Variants in FKBP9 observed in about 807,000 individuals in gnomAD.
FKBP9 encodes FKBP prolyl isomerase 9, also known as peptidyl-prolyl cis-trans isomerase FKBP9.
FKBP9 carries 27 observed loss-of-function variants against 55.6 expected under a neutral mutation model. That is an observed-to-expected ratio of 0.49 (90% CI 0.36 to 0.67). FKBP9 has a LOEUF of 0.67. Among genes scored for constraint, FKBP9 ranks in the 30% least tolerant of loss-of-function variants. The pLI, the probability that FKBP9 is intolerant of heterozygous loss-of-function variation, is 0.00. For missense variants in FKBP9, 539 were observed against 742.8 expected (o/e 0.73, Z 3.19); for synonymous variants, 267 against 296.5 (o/e 0.90, Z 1.02).
At position 32,977,870 on chromosome 7, in the gene FKBP9, C is replaced by CATGTATATATATATATATATATAT. The variant is rs780985630; in HGVS notation, c.703+1373_703+1374insGTATATATATATATATATATATAT. Reference sequence around the variant, plus strand: ...ACACTCATATATATATATACATGCCCATATATATATATGTATATATACACT... The same window carrying CATGTATATATATATATATATATAT: ...ACACTCATATATATATATACATGCCCATGTATATATATATATATATATATATATATATATATGTATATATACACT... On this transcript the variant is annotated intron_variant, in intron 4 of 9. Transcript: ENST00000242209. Among the ~76,000 whole-genome samples the CATGTATATATATATATATATATAT allele has an allele frequency of 6.9e-4, 86 of 124,622 alleles. 1 individual carries two copies. The highest frequency in any genetic ancestry group is 2.0e-3 in the South Asian group (8 of 3,930). 81.8% of individuals were successfully genotyped at this position (124,622 alleles called of 152,430 possible). A position where few individuals can be genotyped will look rare whatever the true frequency, so the allele number is the denominator to read the frequency against.
intron 1 of FKBP9, among the ~76,000 whole-genome samples, chr7:32,959,524 G>A (rs1028152764): frequency 2.2e-4 from 34 of 152,292 alleles, no homozygotes; most frequent in African/African-American, 8.2e-4. Context: ...TATTCACAGA[G>A]TAGTGCAAAC....
At chr7:32,997,858 G>T (rs1422581988) in intron 7 of FKBP9, among the ~76,000 whole-genome samples, 1 of 152,014 alleles carries the variant, frequency 6.6e-6, no homozygotes, top group Non-Finnish European at 1.5e-5. Context: ...AGACCCTATG[G>T]ATATACTCTT....
In FKBP9 at chr7:32,957,774, C is replaced by G. The variant is rs766320017; in HGVS notation, c.201C>G (p.Asp67Glu). The change falls in exon 1 of 10, where the codon GAC becomes GAG. Residue 67 changes from aspartate (D) to glutamate (E), a missense_variant. Asp to Glu is a conservative substitution (Grantham distance 45). Coordinates refer to ENST00000242209, the MANE Select transcript of FKBP9 (RefSeq NM_007270.5). ...VRYHYVGTFP[D>E]GQKFDSSYDR... is the part of the protein sequence containing the mutation. ...ACCACTACGTGGGGACGTTCCCCGACGGCCAGAAGTTCGACTCCAGGTACC... is the reference window on the plus strand; with the variant it reads ...ACCACTACGTGGGGACGTTCCCCGAGGGCCAGAAGTTCGACTCCAGGTACC... 2.1e-6 allele frequency: 3 copies of G among 1,459,274 alleles called. No homozygotes were observed. The South Asian group carries it at 4.2e-5, about 20-fold the overall frequency. The allele number at this position is 1,459,274 out of a possible 1,614,324, so 90.4% of individuals were successfully genotyped here.
intron 5 of FKBP9, among the ~76,000 whole-genome samples, chr7:32,988,292 T>C (rs1297889642): frequency 2.0e-5 from 3 of 152,240 alleles, no homozygotes; most frequent in Non-Finnish European, 4.4e-5. Flanking sequence ...CCACATGGCG[T>C]GTCCCTACAG....
Position 32,957,523 on chromosome 7 carries a change from C to A in FKBP9, c.-51C>A. The A allele has an allele frequency of 7.6e-7, 1 of 1,314,412 alleles. No individual in the cohort carries two copies. Among genetic ancestry groups the A allele is most frequent in the Non-Finnish European group, 9.8e-7 (1 of 1,022,486 alleles). The allele number at this position is 1,314,412 out of a possible 1,614,324, so 81.4% of individuals were successfully genotyped here. Reference sequence around the variant, plus strand: ...ACGCAGCCGAACGCCCAGGCCGACCCGTGCCGCCCGAGCGCCGCGCTGCGT... The same window carrying A: ...ACGCAGCCGAACGCCCAGGCCGACCAGTGCCGCCCGAGCGCCGCGCTGCGT... On this transcript the variant is annotated 5_prime_UTR_variant, in exon 1 of 10. Coordinates refer to ENST00000242209, the MANE Select transcript of FKBP9 (RefSeq NM_007270.5).
chr7:32,989,002 G>A (rs1389161168), intron 6 of FKBP9: 4 of 168,942 alleles, frequency 2.4e-5, no homozygotes, highest in Non-Finnish European at 5.1e-5. Context: ...TTGTTTCTCT[G>A]CCCATTTTCC....
chr7:32,993,499 T>C (rs1040589298), intron 6 of FKBP9, among the ~76,000 whole-genome samples: 1 of 152,230 alleles, frequency 6.6e-6, no homozygotes, highest in Non-Finnish European at 1.5e-5. Context: ...CTTAGCATAA[T>C]GTTTTCAAGG....
At chr7:32,986,977 T>A (rs1583860673) in intron 5 of FKBP9, among the ~76,000 whole-genome samples, 1 of 152,222 alleles carries the variant, frequency 6.6e-6, no homozygotes, top group Admixed American at 6.5e-5. Flanking sequence ...AATTGATTCC[T>A]CTTTTTACCA....
chr7:32,977,538 A>G (rs1784382216), intron 4 of FKBP9, among the ~76,000 whole-genome samples: 1 of 152,166 alleles, frequency 6.6e-6, no homozygotes, highest in African/African-American at 2.4e-5. Flanking sequence ...AAGACATGAT[A>G]TGATAATCTC....
At chr7:32,967,639 C>A (rs577637342) in intron 1 of FKBP9, among the ~76,000 whole-genome samples, 60 of 152,288 alleles carry the variant, frequency 3.9e-4, no homozygotes, top group African/African-American at 1.4e-3. Flanking sequence ...TGTCTATGGA[C>A]ATTTAGATTG....
rs1346340372 is a variant in FKBP9, at chr7:32,979,447, A to G, written c.704-917A>G. On this transcript the variant is annotated intron_variant, in intron 4 of 9. Transcript: ENST00000242209. ...GGGGCTGACTCAGCAGCCGGCTTTC[A>G]GCAGATTTCATCATTCCTTGGATGG... is the stretch of plus-strand genomic sequence containing the variant. The G allele has an allele frequency of 1.2e-5, 16 of 1,385,974 alleles. No individual in the cohort carries two copies. The Admixed American group carries it at 2.6e-4, about 22-fold the overall frequency. 85.9% of individuals were successfully genotyped at this position (1,385,974 alleles called of 1,614,324 possible). A position where few individuals can be genotyped will look rare whatever the true frequency, so the allele number is the denominator to read the frequency against.
In FKBP9 at chr7:32,957,448, G is replaced by C; in HGVS notation, c.-126G>C. 3.0e-6 allele frequency: 2 copies of C among 657,446 alleles called. No individual in the cohort carries two copies. The highest frequency in any genetic ancestry group is 4.4e-6 in the Non-Finnish European group (2 of 455,600). The allele number at this position is 657,446 out of a possible 1,614,324, so 40.7% of individuals were successfully genotyped here. The stretch of plus-strand genomic sequence containing the variant: ...GAGGGCGGGCGGCCGGGGAGACGGG[G>C]TGGCGGCTGCAGCCCGGGTAGGGCC... On this transcript the variant is annotated 5_prime_UTR_variant, in exon 1 of 10. Coordinates refer to ENST00000242209, the MANE Select transcript of FKBP9 (RefSeq NM_007270.5).
intron 3 of FKBP9, 97 bp from the exon 4 acceptor site, chr7:32,976,257 C>A: frequency 1.4e-6 from 2 of 1,417,812 alleles, no homozygotes; most frequent in Non-Finnish European, 2.0e-6. Flanking sequence ...ATGGGATCAT[C>A]GTTTAGCTGA....
chr7:32,989,268 T>A (rs1286154430), intron 6 of FKBP9, among the ~76,000 whole-genome samples: 1 of 152,218 alleles, frequency 6.6e-6, no homozygotes, highest in Non-Finnish European at 1.5e-5. Flanking sequence ...TCACCATCAC[T>A]ATAATCCTGT....
At chr7:32,972,469 A>G (rs191581308) in intron 1 of FKBP9, among the ~76,000 whole-genome samples, 2 of 152,208 alleles carry the variant, frequency 1.3e-5, no homozygotes, top group African/African-American at 2.4e-5. Context: ...AAAAGTGAAA[A>G]TATGTTGCAA....
intron 1 of FKBP9, among the ~76,000 whole-genome samples, chr7:32,964,011 G>C (rs1784082979): frequency 6.6e-6 from 1 of 152,230 alleles, no homozygotes; most frequent in South Asian, 2.1e-4. Context: ...ATGCAGTCAG[G>C]GGGGCCTGAC....
chr7:33,003,970 A>T (rs1784981071), intron 9 of FKBP9, among the ~76,000 whole-genome samples: 1 of 151,656 alleles, frequency 6.6e-6, no homozygotes, highest in Non-Finnish European at 1.5e-5. Flanking sequence ...AACCCCTGCT[A>T]TCCACCCGCA....
At position 33,006,267 on chromosome 7, in the gene FKBP9, A is replaced by C. The variant is rs963759925; in HGVS notation, c.*916A>C. 3.2e-5 allele frequency: 6 copies of C among 189,804 alleles called. No homozygotes were observed. The highest frequency in any genetic ancestry group is 1.4e-4 in the African/African-American group (6 of 42,810). 11.8% of individuals were successfully genotyped at this position (189,804 alleles called of 1,614,324 possible). A position where few individuals can be genotyped will look rare whatever the true frequency, so the allele number is the denominator to read the frequency against. On this transcript the variant is annotated 3_prime_UTR_variant, in exon 10 of 10. Transcript: ENST00000242209. ...TGAGTAGCTGGGACTACAGGTGTGCACCACCACGCCCGGCTAATTTTTGTA... is the reference window on the plus strand; with the variant it reads ...TGAGTAGCTGGGACTACAGGTGTGCCCCACCACGCCCGGCTAATTTTTGTA...
chr7:32,986,147 C>T (rs1288687790), intron 5 of FKBP9, among the ~76,000 whole-genome samples: 1 of 152,242 alleles, frequency 6.6e-6, no homozygotes, highest in Admixed American at 6.5e-5. Context: ...CACTCCGTCT[C>T]TCCTTCTGAG....
Sources: allele counts gnomAD v4.1 joint callset (sites outside exome capture counted in the v4.1 genomes callset), GRCh38; gene constraint gnomAD v4.1.1; transcripts MANE v1.5; gene names NCBI Gene and HGNC (gene_info 2026-07-23, HGNC 2026-07-21).